Variants in GK observed in about 807,000 individuals in gnomAD.
The protein encoded by GK is glycerol kinase.
In GK, 9 loss-of-function variants were observed where a neutral mutation model predicts 56.4. The observed-to-expected ratio is 0.16, with a 90% CI of 0.10 to 0.28. The LOEUF is 0.28. Among genes scored for constraint, GK ranks in the 10% least tolerant of loss-of-function variants. GK has a pLI of 1.00. For synonymous variants in GK, 104 were observed against 144.1 expected, an observed-to-expected ratio of 0.72 and a Z score of 1.99; for missense variants, 161 against 431.4, an observed-to-expected ratio of 0.37 and a Z score of 5.55.
intron 1 of GK, among the ~76,000 whole-genome samples, chrX:30,659,772 G>A (rs1330895632): frequency 1.8e-5 from 2 of 112,070 alleles, no homozygotes; most frequent in African/African-American, 3.2e-5. Flanking sequence ...TTTTTGAGAC[G>A]GAGTCTTGCT....
intron 7 of GK, 56 bp from the exon 8 acceptor site, chrX:30,696,561 T>C (rs1389828582): frequency 1.2e-6 from 1 of 817,573 alleles, no homozygotes; most frequent in African/African-American, 2.0e-5. Context: ...TACATATAAA[T>C]GTTTCTAGAT....
At chrX:30,664,828 T>C (rs960395076) in intron 1 of GK, among the ~76,000 whole-genome samples, 2 of 105,271 alleles carry the variant, frequency 1.9e-5, no homozygotes, top group South Asian at 4.5e-4. Flanking sequence ...CTCAGCCTCC[T>C]GAGTAGCTGG....
At position 30,653,488 on chromosome X, in the gene GK, C is replaced by G. The variant is rs779381656; in HGVS notation, c.-50C>G. 1.6e-4 allele frequency: 176 copies of G among 1,103,809 alleles called. 1 individual carries two copies. In the East Asian group the frequency reaches 5.2e-3, roughly 32 times the overall value. The allele number at this position is 1,103,809 out of a possible 1,213,427, so 91.0% of individuals were successfully genotyped here. Reference sequence around the variant, plus strand: ...CACCTGCCCCTCCCCCTCCCGCCGCCGTCACCCAGGAAACCGGCCGCAATC... The same window carrying G: ...CACCTGCCCCTCCCCCTCCCGCCGCGGTCACCCAGGAAACCGGCCGCAATC... On this transcript the variant is annotated 5_prime_UTR_variant, in exon 1 of 21. Transcript: ENST00000427190.
intron 4 of GK, among the ~76,000 whole-genome samples, chrX:30,690,440 T>C (rs1934869513): frequency 8.9e-6 from 1 of 112,102 alleles, no homozygotes; most frequent in South Asian, 3.7e-4. Flanking sequence ...CAGAAATCGT[T>C]TCCACCAGGG....
At chrX:30,719,984 T>C (rs1386742540) in intron 15 of GK, 27 bp from the exon 16 acceptor site, 3 of 966,524 alleles carry the variant, frequency 3.1e-6, no homozygotes, top group Non-Finnish European at 4.5e-6. Flanking sequence ...ATCATTCTAA[T>C]CTGAAAATCT....
intron 1 of GK, 64 bp from the exon 2 acceptor site, chrX:30,665,447 A>C (rs1933008162): frequency 3.0e-6 from 2 of 676,896 alleles, no homozygotes; most frequent in Admixed American, 4.6e-5. Flanking sequence ...CAGTTACTGA[A>C]TAACTTTAAA....
Position 30,705,700 on chromosome X carries a change from A to G in GK, c.852-1856A>G, listed in dbSNP as rs759312236. ...ATCATGTAAATGCTGAAAGCTCCAT[A>G]TGTGCTTGATGACTGGGAAGAAAGA... is the stretch of plus-strand genomic sequence containing the variant. On this transcript the variant is annotated intron_variant, in intron 11 of 20. Coordinates refer to ENST00000427190, the MANE Select transcript of GK (RefSeq NM_001205019.2). 2.1e-4 allele frequency among the ~76,000 whole-genome samples: 24 copies of G among 112,991 alleles called. No individual in the cohort carries two copies. In the South Asian group the frequency reaches 2.5e-3, roughly 12 times the overall value.
intron 19 of GK, chrX:30,724,744 T>C: frequency 1.1e-5 from 2 of 186,955 alleles, no homozygotes; most frequent in South Asian, 1.7e-4. Context: ...TACCTTTCAG[T>C]CACTTAGGAA....
At chrX:30,693,018 T>TC (rs1187193692) in intron 5 of GK, among the ~76,000 whole-genome samples, 1 of 86,996 alleles carries the variant, frequency 1.1e-5, no homozygotes, top group African/African-American at 4.2e-5. Flanking sequence ...TTTCTTTTTT[T>TC]TTTTTTTTTT....
chrX:30,716,010 C>T (rs1936599939), intron 13 of GK, among the ~76,000 whole-genome samples: 1 of 111,468 alleles, frequency 9.0e-6, no homozygotes, highest in Non-Finnish European at 1.9e-5. Context: ...TACCTCTAAT[C>T]AAAACCTTGA....
rs375233104 is a variant in GK, at chrX:30,699,249, A to G, written c.748-1165A>G. On this transcript the variant is annotated intron_variant, in intron 9 of 20. Transcript: ENST00000427190. ...ATATACATGTTATGTATAACATGTT[A>G]TATATACATGTTATGTATAACATGT... Among the ~76,000 whole-genome samples, 45 of 99,981 alleles carry G rather than the reference A, an allele frequency of 4.5e-4. No individual in the cohort carries two copies. In the South Asian group the frequency reaches 0.015, roughly 32 times the overall value. 86.8% of individuals were successfully genotyped at this position (99,981 alleles called of 115,157 possible). A position where few individuals can be genotyped will look rare whatever the true frequency, so the allele number is the denominator to read the frequency against.
At chrX:30,669,424 C>T (rs1331729437) in intron 3 of GK, among the ~76,000 whole-genome samples, 3 of 110,619 alleles carry the variant, frequency 2.7e-5, no homozygotes, top group Non-Finnish European at 3.8e-5. Flanking sequence ...CCTCGTGACC[C>T]GCCCGCCTCG....
intron 2 of GK, among the ~76,000 whole-genome samples, chrX:30,667,598 A>T (rs1933173504): frequency 8.9e-6 from 1 of 112,507 alleles, no homozygotes; most frequent in South Asian, 3.6e-4. Flanking sequence ...TCCCAAATAT[A>T]TCATTCTCAA....
In GK at chrX:30,670,598, A is replaced by AT. The variant is rs34172820; in HGVS notation, c.259+2491dup. Among the ~76,000 whole-genome samples, 82 of 106,240 alleles carry AT rather than the reference A, an allele frequency of 7.7e-4. 2 individuals are homozygous for AT. The South Asian group carries it at 0.015, about 19-fold the overall frequency. The allele number at this position is 106,240 out of a possible 115,157, so 92.3% of individuals were successfully genotyped here. On this transcript the variant is annotated intron_variant, in intron 3 of 20. Coordinates refer to ENST00000427190, the MANE Select transcript of GK (RefSeq NM_001205019.2). ...TCCTCCATACCAGGCCAGTTGTACTATTTTTTTTTTTCCCAGAAAATTTAT... is the reference window on the plus strand; with the variant it reads ...TCCTCCATACCAGGCCAGTTGTACTATTTTTTTTTTTTCCCAGAAAATTTAT...
intron 3 of GK, among the ~76,000 whole-genome samples, chrX:30,671,420 CATT>C (rs1315025382): frequency 1.8e-5 from 2 of 110,337 alleles, no homozygotes; most frequent in Non-Finnish European, 3.8e-5. Flanking sequence ...GGTAGATTAA[CATT>C]AAAGCACAGC....
chrX:30,684,782 T>G (rs1022083419), intron 4 of GK, among the ~76,000 whole-genome samples: 1 of 110,908 alleles, frequency 9.0e-6, no homozygotes. Flanking sequence ...ACAAAAAATA[T>G]TTCGTTGTCC....
rs956516243 is a variant in GK, at chrX:30,707,538, T to A, written c.852-18T>A. The A allele has an allele frequency of 9.8e-7, 1 of 1,021,539 alleles. No homozygotes were observed. Among genetic ancestry groups the A allele is most frequent in the African/African-American group, 1.9e-5 (1 of 53,578 alleles). The allele number at this position is 1,021,539 out of a possible 1,213,427, so 84.2% of individuals were successfully genotyped here. A position where few individuals can be genotyped will look rare whatever the true frequency, so the allele number is the denominator to read the frequency against. On this transcript the variant is annotated intron_variant, in intron 11 of 20. Transcript: ENST00000427190. ...TTCAATAAAATTGTCTTACTATTCA[T>A]TCTCCCTTCAACCATAGGTATGGAA...
At chrX:30,720,166 G>A (rs906484110) in intron 16 of GK, 71 bp downstream of exon 16, 32 of 639,683 alleles carry the variant, frequency 5.0e-5, no homozygotes, top group Admixed American at 3.9e-4. Context: ...GTTAACACCC[G>A]AGATTTATTC....
chrX:30,707,472 C>G, intron 11 of GK, 84 bp from the exon 12 acceptor site: 1 of 609,276 alleles, frequency 1.6e-6, no homozygotes, highest in Non-Finnish European at 2.8e-6. Context: ...AATTATATGT[C>G]AGTTTTGATC....
Sources: allele counts gnomAD v4.1 joint callset (sites outside exome capture counted in the v4.1 genomes callset), GRCh38; gene constraint gnomAD v4.1.1; transcripts MANE v1.5; gene names NCBI Gene and HGNC (gene_info 2026-07-23, HGNC 2026-07-21).